Variants in SKIC8 observed in about 807,000 individuals in gnomAD.
The protein encoded by SKIC8 is SKI8 subunit of superkiller complex, also known as superkiller complex protein 8.
chr15:78,292,604 T>TAA, the SKIC8 span: 1 of 1,614,132 alleles, frequency 6.2e-7, no homozygotes. Flanking sequence ...CCCCTACAAG[T>TAA]AAAACTCTTA....
the SKIC8 span, chr15:78,291,845 C>T: frequency 6.6e-6 from 1 of 152,224 alleles, no homozygotes; most frequent in African/African-American, 2.4e-5. Context: ...GCTATCTGCA[C>T]CCTCTAGCAG....
At chr15:78,286,377 T>A in the SKIC8 span, 1 of 414,906 alleles carries the variant, frequency 2.4e-6, no homozygotes, top group Non-Finnish European at 4.3e-6. Flanking sequence ...ATAAAATCCT[T>A]CACAAGCAAA....
At chr15:78,295,937 C>G in the SKIC8 span, 129 of 416,508 alleles carry the variant, frequency 3.1e-4, no homozygotes, top group Non-Finnish European at 5.1e-4. Flanking sequence ...CAACTAACAG[C>G]TAATTCTATC....
the SKIC8 span, chr15:78,286,303 C>T: frequency 1.9e-5 from 11 of 586,034 alleles, no homozygotes; most frequent in Admixed American, 3.1e-5. Flanking sequence ...TAGCTTCATG[C>T]ATTAGAGACA....
At chr15:78,293,035 G>A in the SKIC8 span, 1 of 860,778 alleles carries the variant, frequency 1.2e-6, no homozygotes, top group Non-Finnish European at 1.8e-6. Context: ...ATAAGCTGCT[G>A]TTTTATACCA....
the SKIC8 span, chr15:78,293,331 G>A: frequency 6.9e-7 from 1 of 1,452,496 alleles, no homozygotes; most frequent in Non-Finnish European, 9.6e-7. Context: ...ATGAAGCCGA[G>A]ATACTGTTCA....
the SKIC8 span, chr15:78,289,921 G>A: frequency 6.2e-7 from 1 of 1,606,834 alleles, no homozygotes; most frequent in Admixed American, 1.7e-5. Flanking sequence ...GAAAGAATCA[G>A]AAGGAGAACA....
At chr15:78,292,262 C>A in the SKIC8 span, 1 of 266,478 alleles carries the variant, frequency 3.8e-6, no homozygotes, top group Non-Finnish European at 7.4e-6. Flanking sequence ...AGGTCAACGC[C>A]AAACCAGCAG....
the SKIC8 span, chr15:78,292,845 T>C: frequency 1.3e-6 from 2 of 1,592,590 alleles, no homozygotes; most frequent in East Asian, 4.5e-5. Context: ...TTACCTGGCA[T>C]CTGAAATTCT....
At chr15:78,295,143 T>G in the SKIC8 span, 1 of 717,608 alleles carries the variant, frequency 1.4e-6, no homozygotes, top group South Asian at 1.9e-5. Flanking sequence ...CATGCAAGAT[T>G]TGTACAGTCA....
the SKIC8 span, among the ~76,000 whole-genome samples, chr15:78,296,792 C>T: frequency 6.6e-6 from 1 of 152,172 alleles, no homozygotes; most frequent in Non-Finnish European, 1.5e-5. Context: ...TATGAGCCAC[C>T]AGACTCAGGC....
the SKIC8 span, among the ~76,000 whole-genome samples, chr15:78,294,036 T>G: frequency 2.4e-4 from 37 of 152,332 alleles, no homozygotes; most frequent in South Asian, 7.5e-3. Flanking sequence ...CTTCCCAAAA[T>G]ATGAATATAA....
At chr15:78,288,255 C>T in the SKIC8 span, 3 of 1,605,776 alleles carry the variant, frequency 1.9e-6, no homozygotes, top group Non-Finnish European at 2.6e-6. Context: ...AGATGGGCAT[C>T]AGTAGTAAGG....
chr15:78,294,857 G>A, the SKIC8 span: 8 of 1,511,758 alleles, frequency 5.3e-6, no homozygotes, highest in African/African-American at 1.4e-5. Flanking sequence ...CTTGAAAACT[G>A]CATGTCTGGT....
the SKIC8 span, chr15:78,289,925 G>A: frequency 2.1e-5 from 34 of 1,607,560 alleles, no homozygotes; most frequent in Non-Finnish European, 4.2e-6. Context: ...GAATCAGAAG[G>A]AGAACAGAGA....
chr15:78,288,947 A>G, the SKIC8 span: 16 of 451,804 alleles, frequency 3.5e-5, no homozygotes, highest in Non-Finnish European at 6.2e-5. Flanking sequence ...AGTTGTTTCC[A>G]ATCACAAAGT....
the SKIC8 span, among the ~76,000 whole-genome samples, chr15:78,297,960 C>T: frequency 2.0e-5 from 3 of 152,240 alleles, no homozygotes; most frequent in African/African-American, 7.2e-5. Flanking sequence ...ATTATGTTGC[C>T]CAGGCTGGTA....
At chr15:78,285,937 T>C in the SKIC8 span, 4 of 928,908 alleles carry the variant, frequency 4.3e-6, no homozygotes, top group South Asian at 1.0e-4. Flanking sequence ...AAAGGCTAAC[T>C]GAATAAAAAA....
the SKIC8 span, among the ~76,000 whole-genome samples, chr15:78,297,127 T>C: frequency 5.3e-5 from 8 of 152,218 alleles, no homozygotes; most frequent in Admixed American, 4.6e-4. Flanking sequence ...CACAATCTTC[T>C]TGCATTTAGA....
Sources: gnomAD v4.1 joint callset for allele counts (sites outside exome capture counted in the v4.1 genomes callset) on GRCh38, gnomAD v4.1.1 for gene constraint, MANE v1.5 for transcripts, NCBI Gene and HGNC (gene_info 2026-07-23, HGNC 2026-07-21) for gene names.